GUCY1A2: variants seen among roughly 807,000 people sequenced by gnomAD.
GUCY1A2 encodes the protein guanylate cyclase soluble subunit alpha-2.
In GUCY1A2, 27 loss-of-function variants were observed where a neutral mutation model predicts 63.5. That is an observed-to-expected ratio of 0.43 (90% CI 0.31 to 0.59). GUCY1A2 has a LOEUF of 0.59. Among genes scored for constraint, GUCY1A2 ranks in the 20% least tolerant of loss-of-function variants. GUCY1A2 has a pLI of 0.11. For synonymous variants in GUCY1A2, 364 were observed against 343.5 expected, an observed-to-expected ratio of 1.06 and a Z score of -0.66; for missense variants, 768 against 913.3, an observed-to-expected ratio of 0.84 and a Z score of 2.05.
At chr11:106,913,172 G>C (rs1300593094) in intron 4 of GUCY1A2, among the ~76,000 whole-genome samples, 1 of 151,912 alleles carries the variant, frequency 6.6e-6, no homozygotes, top group Non-Finnish European at 1.5e-5. Context: ...AACACAATTT[G>C]TACTAATCTA....
intron 1 of GUCY1A2, among the ~76,000 whole-genome samples, chr11:106,992,404 A>G (rs1334944996): frequency 7.1e-6 from 1 of 140,012 alleles, no homozygotes; most frequent in Non-Finnish European, 1.5e-5. Flanking sequence ...ATCTCAGCTC[A>G]CTGCAACCTC....
chr11:106,902,149 T>C (rs759243284), intron 4 of GUCY1A2, among the ~76,000 whole-genome samples: 5 of 152,200 alleles, frequency 3.3e-5, no homozygotes, highest in African/African-American at 4.8e-5. Flanking sequence ...TATCTCCTTG[T>C]ACACCTCCAT....
intron 4 of GUCY1A2, among the ~76,000 whole-genome samples, chr11:106,865,048 C>T (rs368795738): frequency 3.3e-5 from 5 of 150,966 alleles, no homozygotes; most frequent in East Asian, 3.9e-4. Context: ...GTCTGGTCAA[C>T]TACTAATTAC....
At chr11:106,885,094 A>G (rs1859880753) in intron 4 of GUCY1A2, among the ~76,000 whole-genome samples, 2 of 152,162 alleles carry the variant, frequency 1.3e-5, no homozygotes, top group Admixed American at 1.3e-4. Flanking sequence ...CTTTTGAGCA[A>G]TGTACGTCAC....
intron 4 of GUCY1A2, among the ~76,000 whole-genome samples, chr11:106,812,959 T>C (rs558247000): frequency 1.1e-3 from 163 of 152,162 alleles, no homozygotes; most frequent in African/African-American, 3.7e-3. Flanking sequence ...CTGTCACCAA[T>C]GCATTTTTAC....
At chr11:106,846,641 C>T (rs1338366388) in intron 4 of GUCY1A2, among the ~76,000 whole-genome samples, 1 of 151,604 alleles carries the variant, frequency 6.6e-6, no homozygotes, top group Admixed American at 6.6e-5. Context: ...GACGCTCTGA[C>T]CTCTTCGACA....
intron 4 of GUCY1A2, among the ~76,000 whole-genome samples, chr11:106,892,479 T>C (rs1486738973): frequency 1.3e-5 from 2 of 152,128 alleles, no homozygotes; most frequent in Non-Finnish European, 2.9e-5. Context: ...TTTTAATTGA[T>C]ATGTTTACTT....
intron 3 of GUCY1A2, among the ~76,000 whole-genome samples, chr11:106,957,967 G>C (rs1458334778): frequency 6.9e-6 from 1 of 144,624 alleles, no homozygotes; most frequent in Non-Finnish European, 1.5e-5. Context: ...TATTGAATTA[G>C]GTAATAAATA....
At chr11:106,705,838 C>T (rs181869726) in intron 7 of GUCY1A2, among the ~76,000 whole-genome samples, 122 of 152,014 alleles carry the variant, frequency 8.0e-4, no homozygotes, top group Non-Finnish European at 1.0e-3. Context: ...CCATCCTGGG[C>T]GACAGAGTAA....
intron 4 of GUCY1A2, among the ~76,000 whole-genome samples, chr11:106,854,431 G>A (rs1312507038): frequency 6.6e-6 from 1 of 152,236 alleles, no homozygotes; most frequent in East Asian, 1.9e-4. Context: ...GTAGGCATAT[G>A]TCAGTGGCAA....
chr11:106,805,008 C>T (rs1337273159), intron 5 of GUCY1A2, among the ~76,000 whole-genome samples: 1 of 152,078 alleles, frequency 6.6e-6, no homozygotes, highest in East Asian at 1.9e-4. Flanking sequence ...CTTACATTTC[C>T]TTGCCAATAT....
intron 6 of GUCY1A2, among the ~76,000 whole-genome samples, chr11:106,725,731 T>C (rs953939769): frequency 6.6e-6 from 1 of 152,170 alleles, no homozygotes; most frequent in East Asian, 1.9e-4. Flanking sequence ...TCAGAGTACT[T>C]TGAGCCAAAT....
At chr11:106,831,673 T>G (rs1255438396) in intron 4 of GUCY1A2, among the ~76,000 whole-genome samples, 4 of 152,220 alleles carry the variant, frequency 2.6e-5, no homozygotes, top group African/African-American at 9.6e-5. Flanking sequence ...AATCACAAGA[T>G]AGGAGACTGG....
In GUCY1A2 at chr11:106,977,299, T is replaced by C. The variant is rs1231129573; in HGVS notation, c.487+1320A>G. On this transcript the variant is annotated intron_variant, in intron 3 of 7. Coordinates refer to ENST00000526355, the MANE Select transcript of GUCY1A2 (RefSeq NM_000855.3). ...AAAATCAGAAAACTTTAAACAACTCTTGGGTAATGTCTCTTTTAATCCCAT... is the reference window on the plus strand; with the variant it reads ...AAAATCAGAAAACTTTAAACAACTCCTGGGTAATGTCTCTTTTAATCCCAT... 7.2e-5 allele frequency among the ~76,000 whole-genome samples: 11 copies of C among 152,184 alleles called. No individual in the cohort carries two copies. In the East Asian group the frequency reaches 2.1e-3, roughly 29 times the overall value.
At chr11:106,801,908 T>A (rs1858609167) in intron 5 of GUCY1A2, among the ~76,000 whole-genome samples, 1 of 152,178 alleles carries the variant, frequency 6.6e-6, no homozygotes, top group South Asian at 2.1e-4. Flanking sequence ...TCATAACACC[T>A]ATTCCACAGG....
At chr11:106,912,573 G>T (rs1027107642) in intron 4 of GUCY1A2, among the ~76,000 whole-genome samples, 1 of 152,030 alleles carries the variant, frequency 6.6e-6, no homozygotes, top group East Asian at 1.9e-4. Flanking sequence ...TTTTAAATTT[G>T]AGAAAACTGC....
At chr11:106,826,656 T>A (rs1858974865) in intron 4 of GUCY1A2, 1 of 1,608,220 alleles carries the variant, frequency 6.2e-7, no homozygotes, top group South Asian at 1.1e-5. Flanking sequence ...AGTTAAAAAA[T>A]TTTGTCACAT....
intron 3 of GUCY1A2, among the ~76,000 whole-genome samples, chr11:106,946,000 G>T (rs1234722344): frequency 2.0e-5 from 3 of 152,074 alleles, no homozygotes; most frequent in African/African-American, 7.2e-5. Flanking sequence ...AAAAGCTACT[G>T]ATACATAGAA....
intron 7 of GUCY1A2, among the ~76,000 whole-genome samples, chr11:106,701,896 C>T (rs183602005): frequency 6.6e-6 from 1 of 152,216 alleles, no homozygotes; most frequent in East Asian, 1.9e-4. Flanking sequence ...ATCCTATAAA[C>T]ATGTACTATA....
Sources: allele counts gnomAD v4.1 joint callset (sites outside exome capture counted in the v4.1 genomes callset), GRCh38; gene constraint gnomAD v4.1.1; transcripts MANE v1.5; gene names NCBI Gene and HGNC (gene_info 2026-07-23, HGNC 2026-07-21).